Variants in CNTNAP5 observed in about 807,000 individuals in gnomAD.
The protein encoded by CNTNAP5 is contactin associated protein family member 5.
In CNTNAP5, 72 loss-of-function variants were observed where a neutral mutation model predicts 150.2. The observed-to-expected ratio is 0.48, with a 90% CI of 0.40 to 0.58. CNTNAP5 has a LOEUF of 0.58. Among genes scored for constraint, CNTNAP5 ranks in the 20% least tolerant of loss-of-function variants. The pLI is 0.00. For missense variants in CNTNAP5, 1,636 were observed against 1,626.2 expected (o/e 1.01, Z -0.10); for synonymous variants, 672 against 619.8 (o/e 1.08, Z -1.25).
intron 3 of CNTNAP5, among the ~76,000 whole-genome samples, chr2:124,367,898 T>TTGC (rs140388479): frequency 0.015 from 2,243 of 152,358 alleles, 51 homozygotes; most frequent in African/African-American, 0.049. Context: ...ATGTACTTGC[T>TTGC]GTTCAGTACT....
At chr2:124,639,311 C>T (rs1678041447) in intron 12 of CNTNAP5, among the ~76,000 whole-genome samples, 1 of 152,188 alleles carries the variant, frequency 6.6e-6, no homozygotes, top group Non-Finnish European at 1.5e-5. Context: ...TCTCATTCAT[C>T]TTGTGATGAG....
rs188468469 is a variant in CNTNAP5, at chr2:124,760,595, C to T, written c.2235-3077C>T. On this transcript the variant is annotated intron_variant, in intron 14 of 23. Coordinates refer to ENST00000682447, the MANE Select transcript of CNTNAP5 (RefSeq NM_001367498.1). ...TATTTAATTTTTTTCTTGCCACATGCGTTTTATTATTTTTGGTCATACTAA... is the reference window on the plus strand; with the variant it reads ...TATTTAATTTTTTTCTTGCCACATGTGTTTTATTATTTTTGGTCATACTAA... Among the ~76,000 whole-genome samples the T allele has an allele frequency of 1.8e-4, 27 of 152,108 alleles. No individual in the cohort carries two copies. The East Asian group carries it at 3.9e-3, about 22-fold the overall frequency.
At chr2:124,677,540 G>A (rs1475332911) in intron 13 of CNTNAP5, among the ~76,000 whole-genome samples, 1 of 152,158 alleles carries the variant, frequency 6.6e-6, no homozygotes, top group Non-Finnish European at 1.5e-5. Context: ...ATAGAGTACT[G>A]ATTGGTGTGT....
chr2:124,547,133 C>T (rs1188722795), intron 10 of CNTNAP5, among the ~76,000 whole-genome samples: 2 of 152,066 alleles, frequency 1.3e-5, no homozygotes, highest in Non-Finnish European at 2.9e-5. Flanking sequence ...ATACCAGCCT[C>T]AATGCTAGCA....
chr2:124,245,625 A>G (rs1686998142), intron 3 of CNTNAP5, among the ~76,000 whole-genome samples: 1 of 151,016 alleles, frequency 6.6e-6, no homozygotes, highest in African/African-American at 2.4e-5. Context: ...ATGTGTGTGT[A>G]TATATATGTG....
intron 10 of CNTNAP5, among the ~76,000 whole-genome samples, chr2:124,548,777 C>A (rs143619376): frequency 3.2e-4 from 49 of 152,212 alleles, no homozygotes; most frequent in African/African-American, 1.2e-3. Context: ...TATTTAGCGC[C>A]CACAAGGATT....
At chr2:124,162,401 A>G (rs1558781493) in intron 1 of CNTNAP5, among the ~76,000 whole-genome samples, 1 of 152,180 alleles carries the variant, frequency 6.6e-6, no homozygotes, top group African/African-American at 2.4e-5. Flanking sequence ...AGACAAAAAG[A>G]GGTTCAGTTA....
chr2:124,303,549 TTC>T lies in CNTNAP5; in HGVS notation c.381+61162_381+61163del, dbSNP rs1688615108. Among the ~76,000 whole-genome samples, 3 of 152,334 alleles carry T rather than the reference TTC, an allele frequency of 2.0e-5. No homozygotes were observed. In the South Asian group the frequency reaches 6.2e-4, roughly 32 times the overall value. ...ATCAAACAGTTGTCAAAATTTCTAC[TTC>T]TCTCTGTTTCTTTAAAACATCGACA... On this transcript the variant is annotated intron_variant, in intron 3 of 23. Coordinates refer to ENST00000682447, the MANE Select transcript of CNTNAP5 (RefSeq NM_001367498.1).
intron 2 of CNTNAP5, among the ~76,000 whole-genome samples, chr2:124,222,765 T>G (rs1348347139): frequency 6.6e-6 from 1 of 151,902 alleles, no homozygotes; most frequent in Non-Finnish European, 1.5e-5. Flanking sequence ...ATTTAATTTG[T>G]TAACACTTGA....
At chr2:124,624,591 C>A (rs1478653891) in intron 12 of CNTNAP5, among the ~76,000 whole-genome samples, 2 of 152,130 alleles carry the variant, frequency 1.3e-5, no homozygotes, top group Non-Finnish European at 2.9e-5. Flanking sequence ...TTCAAATAAA[C>A]TTTTGAATAT....
intron 22 of CNTNAP5, among the ~76,000 whole-genome samples, chr2:124,909,912 G>T (rs1678621349): frequency 1.4e-5 from 2 of 144,484 alleles, no homozygotes; most frequent in Admixed American, 1.4e-4. Context: ...GTACAGAGAT[G>T]ATTAATAATA....
intron 1 of CNTNAP5, among the ~76,000 whole-genome samples, chr2:124,157,606 A>G (rs1432614881): frequency 6.6e-6 from 1 of 152,220 alleles, no homozygotes; most frequent in Admixed American, 6.5e-5. Flanking sequence ...GTCCATACAA[A>G]AAGAAAGAAA....
At chr2:124,697,704 C>T (rs1010255580) in intron 13 of CNTNAP5, among the ~76,000 whole-genome samples, 4 of 152,008 alleles carry the variant, frequency 2.6e-5, no homozygotes, top group Non-Finnish European at 5.9e-5. Flanking sequence ...GAGTGCCCTC[C>T]GGAGTGCAGA....
chr2:124,050,242 T>C (rs1462105262), intron 1 of CNTNAP5, among the ~76,000 whole-genome samples: 2 of 152,138 alleles, frequency 1.3e-5, no homozygotes. Flanking sequence ...GCAGGTGGCC[T>C]CACTTGAGCC....
intron 19 of CNTNAP5, among the ~76,000 whole-genome samples, chr2:124,864,609 C>T (rs180882587): frequency 6.6e-6 from 1 of 151,122 alleles, no homozygotes; most frequent in Non-Finnish European, 1.5e-5. Flanking sequence ...AGAATTGATA[C>T]ACTTCTATTT....
intron 6 of CNTNAP5, among the ~76,000 whole-genome samples, chr2:124,456,129 G>A (rs1271272782): frequency 1.3e-5 from 2 of 152,112 alleles, no homozygotes; most frequent in African/African-American, 2.4e-5. Flanking sequence ...CAAACTTGTA[G>A]CTGTTTGCTG....
intron 22 of CNTNAP5, among the ~76,000 whole-genome samples, chr2:124,905,372 G>A (rs1185234817): frequency 2.0e-5 from 3 of 152,002 alleles, no homozygotes; most frequent in Non-Finnish European, 2.9e-5. Flanking sequence ...GAAAAGAGTA[G>A]AGAGGTTTGT....
At chr2:124,480,899 G>A (rs1693748454) in intron 7 of CNTNAP5, among the ~76,000 whole-genome samples, 2 of 151,926 alleles carry the variant, frequency 1.3e-5, no homozygotes, top group Admixed American at 1.3e-4. Flanking sequence ...CCTTTCTTCA[G>A]GAAAATTGGA....
chr2:124,440,050 T>C (rs1692635854), intron 5 of CNTNAP5, among the ~76,000 whole-genome samples: 1 of 152,166 alleles, frequency 6.6e-6, no homozygotes, highest in African/African-American at 2.4e-5. Context: ...TGGAGTCAAA[T>C]AGAGTTGGGT....
Sources: gnomAD v4.1 joint callset for allele counts (sites outside exome capture counted in the v4.1 genomes callset) on GRCh38, gnomAD v4.1.1 for gene constraint, MANE v1.5 for transcripts, NCBI Gene and HGNC (gene_info 2026-07-23, HGNC 2026-07-21) for gene names.